Variants in VIPR2 observed in about 807,000 individuals in gnomAD.
The protein encoded by VIPR2 is vasoactive intestinal polypeptide receptor 2.
Under a neutral mutation model 58.0 loss-of-function variants are expected in VIPR2, and 48 were observed. The ratio of observed to expected loss-of-function variants is 0.83; its 90% CI spans 0.66 to 1.05. The LOEUF (loss-of-function observed/expected upper bound fraction) is 1.05. VIPR2 is among the 50% of genes least tolerant of loss of function. The pLI is 0.00. For missense variants in VIPR2, 534 were observed against 558.0 expected (o/e 0.96, Z 0.43); for synonymous variants, 243 against 235.2 (o/e 1.03, Z -0.30).
At chr7:159,062,071 G>C (rs1855706331) in intron 4 of VIPR2, among the ~76,000 whole-genome samples, 1 of 152,246 alleles carries the variant, frequency 6.6e-6, no homozygotes, top group Non-Finnish European at 1.5e-5. Flanking sequence ...TCTTCAGGCG[G>C]CGGTGTGGCC....
In VIPR2 at chr7:159,127,550, T is replaced by C. The variant is rs915672340; in HGVS notation, c.151+14896A>G. ...ATTGAGCCTGAGTCAGTCCAATACATGTGGTTGGGATCCCTGACCAGCCAT... is the reference window on the plus strand; with the variant it reads ...ATTGAGCCTGAGTCAGTCCAATACACGTGGTTGGGATCCCTGACCAGCCAT... On this transcript the variant is annotated intron_variant, in intron 2 of 12. Coordinates refer to ENST00000262178, the MANE Select transcript of VIPR2 (RefSeq NM_003382.5). This position sits in a 1 kb window ranked among gnomAD's most constrained non-coding sequence, Gnocchi z 4.6. 3.9e-5 allele frequency among the ~76,000 whole-genome samples: 6 copies of C among 152,114 alleles called. No individual in the cohort carries two copies. In the East Asian group the frequency reaches 1.2e-3, roughly 29 times the overall value.
chr7:159,132,970 GCAT>G lies in VIPR2; in HGVS notation c.151+9473_151+9475del, dbSNP rs1231745700. Among the ~76,000 whole-genome samples the G allele has an allele frequency of 3.7e-3, 550 of 147,086 alleles. 11 individuals carry two copies. Among genetic ancestry groups the G allele is most frequent in the African/African-American group, 0.013 (499 of 39,604 alleles). On this transcript the variant is annotated intron_variant, in intron 2 of 12. Transcript: ENST00000262178. ...AGATTGATTTCAGACAGAATGATTG[GCAT>G]ACCGATTGATTTTAGACAGAATGAT...
intron 10 of VIPR2, among the ~76,000 whole-genome samples, 190 bp from the exon 11 acceptor site, chr7:159,032,257 T>A (rs1246302693): frequency 6.6e-6 from 1 of 152,182 alleles, no homozygotes; most frequent in East Asian, 1.9e-4. Flanking sequence ...CCTGTGCATA[T>A]CTAGCACTCA....
At chr7:159,101,817 G>A (rs1003496837) in intron 4 of VIPR2, among the ~76,000 whole-genome samples, 4 of 119,542 alleles carry the variant, frequency 3.3e-5, no homozygotes, top group Non-Finnish European at 6.7e-5. Flanking sequence ...CCGTTCCCCC[G>A]ACCGTTCCTG....
At chr7:159,108,707 G>T (rs755102942) in intron 3 of VIPR2, among the ~76,000 whole-genome samples, 1 of 152,216 alleles carries the variant, frequency 6.6e-6, no homozygotes, top group Non-Finnish European at 1.5e-5. Flanking sequence ...CTACCAGGCT[G>T]CTGGGTGCTT....
rs1049223177 is a variant in VIPR2 at position 159,128,876 on chromosome 7, C to T, written c.151+13570G>A. On this transcript the variant is annotated intron_variant, in intron 2 of 12. Transcript: ENST00000262178. The surrounding 1 kb of genome is among the most constrained non-coding windows in gnomAD (Gnocchi z 4.1). The stretch of plus-strand genomic sequence containing the variant: ...CCCTCCTTCCCTCCCTGCGGCTGAG[C>T]TCAGTCCTGACACAGGCTTCTTCCA... 3.3e-5 allele frequency among the ~76,000 whole-genome samples: 5 copies of T among 152,192 alleles called. No homozygotes were observed. The highest frequency in any genetic ancestry group is 1.2e-4 in the African/African-American group (5 of 41,446).
At position 159,064,703 on chromosome 7, in the gene VIPR2, A is replaced by G. The variant is rs78266091; in HGVS notation, c.358-6125T>C. ...ACTGAGTCCTGCCAGGTCAGCGTCCAGTCCTGAGGCGCATCCAGGGCCGTC... is the reference window on the plus strand; with the variant it reads ...ACTGAGTCCTGCCAGGTCAGCGTCCGGTCCTGAGGCGCATCCAGGGCCGTC... On this transcript the variant is annotated intron_variant, in intron 4 of 12. Coordinates refer to ENST00000262178, the MANE Select transcript of VIPR2 (RefSeq NM_003382.5). 1.9e-3 allele frequency among the ~76,000 whole-genome samples: 292 copies of G among 152,300 alleles called. 9 individuals are homozygous for G. In the East Asian group the frequency reaches 0.045, roughly 23 times the overall value.
Position 159,096,350 on chromosome 7 carries a change from G to A in VIPR2, c.357+7407C>T, listed in dbSNP as rs915831057. ...ACCTCCCCTCCTCCGGCATCGGCCA[G>A]CTCCATGCCCAGAAGCGCCTGGCGC... On this transcript the variant is annotated intron_variant, in intron 4 of 12. Coordinates refer to ENST00000262178, the MANE Select transcript of VIPR2 (RefSeq NM_003382.5). This position sits in a 1 kb window ranked among gnomAD's most constrained non-coding sequence, Gnocchi z 5.5. Among the ~76,000 whole-genome samples the A allele has an allele frequency of 1.8e-4, 27 of 152,334 alleles. No individual in the cohort carries two copies. The highest frequency in any genetic ancestry group is 5.5e-4 in the African/African-American group (23 of 41,586).
intron 4 of VIPR2, among the ~76,000 whole-genome samples, chr7:159,102,238 C>T (rs1018016134): frequency 3.3e-5 from 5 of 151,756 alleles, no homozygotes; most frequent in Non-Finnish European, 5.9e-5. Context: ...GAGGCGGTTC[C>T]GACTGTTCCT....
At chr7:159,049,579 G>A (rs185869609) in intron 5 of VIPR2, among the ~76,000 whole-genome samples, 6 of 152,330 alleles carry the variant, frequency 3.9e-5, no homozygotes, top group Admixed American at 6.5e-5. Flanking sequence ...GGTGACCCTC[G>A]GGGAGCAACG....
At position 159,099,496 on chromosome 7, in the gene VIPR2, C is replaced by T. The variant is rs1858079211; in HGVS notation, c.357+4261G>A. On this transcript the variant is annotated intron_variant, in intron 4 of 12. Coordinates refer to ENST00000262178, the MANE Select transcript of VIPR2 (RefSeq NM_003382.5). The surrounding 1 kb of genome is among the most constrained non-coding windows in gnomAD (Gnocchi z 4.2). ...CACAGCAGGCGGCGGCTGTCACTGC[C>T]TCCCAGATCCACATCACTCTTTATA... 6.6e-6 allele frequency among the ~76,000 whole-genome samples: 1 copy of T among 152,194 alleles called. No individual in the cohort carries two copies. Among genetic ancestry groups the T allele is most frequent in the Admixed American group, 6.5e-5 (1 of 15,284 alleles).
chr7:159,093,393 G>A lies in VIPR2; in HGVS notation c.357+10364C>T, dbSNP rs1460723051. On this transcript the variant is annotated intron_variant, in intron 4 of 12. Transcript: ENST00000262178. The surrounding 1 kb of genome is among the most constrained non-coding windows in gnomAD (Gnocchi z 6.7). ...CGTCCTTTAGTAGAAGTCAGGGCAG[G>A]CACCGCGGCTCCACGCTTACTTTCG... 6.6e-6 allele frequency among the ~76,000 whole-genome samples: 1 copy of A among 152,212 alleles called. No homozygotes were observed. Among genetic ancestry groups the A allele is most frequent in the Admixed American group, 6.5e-5 (1 of 15,286 alleles).
At position 159,030,547 on chromosome 7, in the gene VIPR2, C is replaced by A; in HGVS notation, c.*69G>T. The stretch of plus-strand genomic sequence containing the variant: ...TGCTCGGGCATCTGGAAGGAGGAAG[C>A]CGGCGTCTCAGCCCCGCAGAAGCCC... On this transcript the variant is annotated 3_prime_UTR_variant, in exon 13 of 13. Coordinates refer to ENST00000262178, the MANE Select transcript of VIPR2 (RefSeq NM_003382.5). 6.9e-7 allele frequency: 1 copy of A among 1,456,600 alleles called. No individual in the cohort carries two copies. Among genetic ancestry groups the A allele is most frequent in the Non-Finnish European group, 9.1e-7 (1 of 1,100,578 alleles). The allele number at this position is 1,456,600 out of a possible 1,614,324, so 90.2% of individuals were successfully genotyped here.
intron 5 of VIPR2, among the ~76,000 whole-genome samples, chr7:159,043,377 T>C (rs935845025): frequency 2.0e-5 from 3 of 149,806 alleles, no homozygotes; most frequent in Non-Finnish European, 4.5e-5. Context: ...CTGTTAAGAA[T>C]TTTTTTGAGA....
intron 2 of VIPR2, among the ~76,000 whole-genome samples, chr7:159,139,784 T>C (rs1054968853): frequency 6.6e-6 from 1 of 152,174 alleles, no homozygotes; most frequent in African/African-American, 2.4e-5. Flanking sequence ...AAGAATGATA[T>C]AAAGTCACAC....
At position 159,093,959 on chromosome 7, in the gene VIPR2, A is replaced by C. The variant is rs1391807775; in HGVS notation, c.357+9798T>G. 1.3e-5 allele frequency among the ~76,000 whole-genome samples: 2 copies of C among 152,220 alleles called. No homozygotes were observed. The highest frequency in any genetic ancestry group is 2.9e-5 in the Non-Finnish European group (2 of 68,030). On this transcript the variant is annotated intron_variant, in intron 4 of 12. Coordinates refer to ENST00000262178, the MANE Select transcript of VIPR2 (RefSeq NM_003382.5). This position sits in a 1 kb window ranked among gnomAD's most constrained non-coding sequence, Gnocchi z 6.7. Reference sequence around the variant, plus strand: ...GTCTGCGTGATGGAAAGGGAGCAGGAAGCTGAAGGGTAGGATGGGGAACAG... The same window carrying C: ...GTCTGCGTGATGGAAAGGGAGCAGGCAGCTGAAGGGTAGGATGGGGAACAG...
chr7:159,120,423 G>A (rs1563345290), intron 2 of VIPR2, among the ~76,000 whole-genome samples: 1 of 58 alleles, frequency 0.017, no homozygotes, highest in Non-Finnish European at 0.036. Context: ...GGCAGGGACA[G>A]AGGGGGCACC....
intron 10 of VIPR2, among the ~76,000 whole-genome samples, chr7:159,033,388 C>T (rs1411851108): frequency 6.6e-6 from 1 of 152,226 alleles, no homozygotes; most frequent in Non-Finnish European, 1.5e-5. Context: ...CCCTTCCACC[C>T]CCGGTCAGTC....
chr7:159,109,861 G>A lies in VIPR2; in HGVS notation c.210C>T (p.Thr70=), dbSNP rs562399123. 71 of 1,614,150 alleles carry A rather than the reference G, an allele frequency of 4.4e-5. No homozygotes were observed. Among genetic ancestry groups the A allele is most frequent in the East Asian group, 2.0e-4 (9 of 44,886 alleles). The change falls in exon 3 of 13, where the codon ACC becomes ACT. Residue 70 remains threonine, a synonymous_variant. Transcript: ENST00000262178. ...TCWRPANVGE[T]VTVPCPKVFS... is the part of the protein sequence containing the mutation. The stretch of plus-strand genomic sequence containing the variant: ...AGACTTTTGGGCAGGGCACCGTGAC[G>A]GTCTCTCCCACATTGGCAGGCCGCC...
Sources: allele counts gnomAD v4.1 joint callset (sites outside exome capture counted in the v4.1 genomes callset), GRCh38; gene constraint gnomAD v4.1.1; non-coding constraint Gnocchi (gnomAD v3.1); transcripts MANE v1.5; gene names NCBI Gene and HGNC (gene_info 2026-07-23, HGNC 2026-07-21).